The following TMEM120B variants were observed in gnomAD, a reference collection of about 807,000 sequenced individuals.
TMEM120B encodes transmembrane protein 120B.
In TMEM120B, 31 loss-of-function variants were observed where a neutral mutation model predicts 55.5. The ratio of observed to expected loss-of-function variants is 0.56; its 90% CI spans 0.42 to 0.75. TMEM120B has a LOEUF of 0.75. Among genes scored for constraint, TMEM120B ranks in the 30% least tolerant of loss-of-function variants. The probability of loss-of-function intolerance (pLI) is 0.00; values close to 1 mark genes in which losing one functional copy is unlikely to be tolerated. For missense variants in TMEM120B, 399 were observed against 425.5 expected (o/e 0.94, Z 0.55); for synonymous variants, 203 against 176.3 (o/e 1.15, Z -1.20).
chr12:121,769,153 A>T (rs1277641659), intron 6 of TMEM120B, among the ~76,000 whole-genome samples: 1 of 112,374 alleles, frequency 8.9e-6, no homozygotes, highest in Non-Finnish European at 2.0e-5. Context: ...CAAAAAAAAA[A>T]AAAAAAGGCA....
rs1874412037 is a variant in TMEM120B, at chr12:121,780,552, G to A, written c.*4830G>A. On this transcript the variant is annotated 3_prime_UTR_variant, in exon 12 of 12. Transcript: ENST00000449592. ...CTCATAGCACAGACTTTGGATTGCA[G>A]TGGATGGGACCAGATCCTGGCTCCA... The A allele has an allele frequency of 4.1e-6, 2 of 481,964 alleles. No homozygotes were observed. The highest frequency in any genetic ancestry group is 8.1e-5 in the South Asian group (2 of 24,628). 29.9% of individuals were successfully genotyped at this position (481,964 alleles called of 1,614,324 possible).
Position 121,780,865 on chromosome 12 carries a change from G to A in TMEM120B, c.*5143G>A, listed in dbSNP as rs746636849. The A allele has an allele frequency of 5.6e-6, 9 of 1,611,456 alleles. No individual in the cohort carries two copies. The Middle Eastern group carries it at 5.0e-4, about 89-fold the overall frequency. On this transcript the variant is annotated 3_prime_UTR_variant, in exon 12 of 12. Coordinates refer to ENST00000449592, the MANE Select transcript of TMEM120B (RefSeq NM_001080825.2). ...GGCTGTGCCCCAGGGTCTTGGCCCC[G>A]GCCCACCTGCATGTAGGTGATGGGC...
At chr12:121,714,557 C>CTTTTTT (rs897759057) in intron 1 of TMEM120B, among the ~76,000 whole-genome samples, 3 of 100,238 alleles carry the variant, frequency 3.0e-5, no homozygotes, top group African/African-American at 8.0e-5. Context: ...TCAGCCACTT[C>CTTTTTT]TTTTTTTTTT....
intron 5 of TMEM120B, among the ~76,000 whole-genome samples, chr12:121,757,521 T>TTA (rs34962686): frequency 3.8e-5 from 3 of 79,358 alleles, no homozygotes; most frequent in African/African-American, 6.9e-5. Flanking sequence ...ATTATTATTA[T>TTA]TTATTTTTTT....
intron 1 of TMEM120B, among the ~76,000 whole-genome samples, chr12:121,723,917 C>T (rs1308605254): frequency 1.3e-5 from 2 of 151,910 alleles, no homozygotes; most frequent in African/African-American, 4.8e-5. Flanking sequence ...CCTCCTGTCT[C>T]AGTCTCGCAA....
intron 1 of TMEM120B, among the ~76,000 whole-genome samples, chr12:121,741,892 C>A (rs1325971876): frequency 6.6e-6 from 1 of 152,052 alleles, no homozygotes; most frequent in African/African-American, 2.4e-5. Context: ...GTCACCCTTT[C>A]ATCTTCCTAG....
chr12:121,747,272 G>A (rs1592935950), intron 2 of TMEM120B, among the ~76,000 whole-genome samples: 1 of 143,590 alleles, frequency 7.0e-6, no homozygotes, highest in Admixed American at 6.9e-5. Flanking sequence ...GTGGGAGGCT[G>A]GGGTAGAAGG....
intron 5 of TMEM120B, among the ~76,000 whole-genome samples, chr12:121,756,051 G>A (rs1031458868): frequency 6.6e-6 from 1 of 152,140 alleles, no homozygotes; most frequent in African/African-American, 2.4e-5. Context: ...AATCCAGAGC[G>A]ATCATCTATG....
chr12:121,748,627 C>T (rs1415248199), intron 3 of TMEM120B, among the ~76,000 whole-genome samples, 185 bp downstream of exon 3: 1 of 152,104 alleles, frequency 6.6e-6, no homozygotes, highest in Non-Finnish European at 1.5e-5. Flanking sequence ...ACCTTAGCCA[C>T]ACCGTGTGAC....
intron 9 of TMEM120B, 149 bp from the exon 10 acceptor site, chr12:121,774,509 G>T: frequency 1.5e-6 from 1 of 675,940 alleles, no homozygotes; most frequent in Non-Finnish European, 2.5e-6. Context: ...TGCCCACCCA[G>T]CTATGACAGG....
intron 6 of TMEM120B, among the ~76,000 whole-genome samples, chr12:121,768,787 C>G (rs1466408956): frequency 6.6e-6 from 1 of 151,978 alleles, no homozygotes; most frequent in Non-Finnish European, 1.5e-5. Flanking sequence ...CTCCTTTTTT[C>G]CTAGGCTGCC....
chr12:121,758,299 C>T (rs868432545), intron 5 of TMEM120B: 117 of 985,504 alleles, frequency 1.2e-4, no homozygotes, highest in South Asian at 1.2e-3. Context: ...CTGATAATCC[C>T]CACACAGCGG....
intron 1 of TMEM120B, among the ~76,000 whole-genome samples, chr12:121,717,422 CAAG>C (rs1287051802): frequency 2.6e-5 from 4 of 152,268 alleles, no homozygotes; most frequent in South Asian, 4.1e-4. Flanking sequence ...AGGCTCGAAG[CAAG>C]AAGATCAGCA....
intron 1 of TMEM120B, among the ~76,000 whole-genome samples, chr12:121,720,636 A>G (rs1485747052): frequency 2.0e-5 from 3 of 152,052 alleles, no homozygotes; most frequent in Non-Finnish European, 2.9e-5. Context: ...GCCTGAGCCC[A>G]GGGAGGTGAA....
chr12:121,748,965 C>A (rs1873188562), intron 3 of TMEM120B, among the ~76,000 whole-genome samples: 1 of 152,230 alleles, frequency 6.6e-6, no homozygotes, highest in African/African-American at 2.4e-5. Context: ...CCGTTCCCTC[C>A]CTTAAGTGAT....
rs564881865 is a variant in TMEM120B, at chr12:121,754,516, C to T, written c.461+2293C>T. On this transcript the variant is annotated intron_variant, in intron 5 of 11. Coordinates refer to ENST00000449592, the MANE Select transcript of TMEM120B (RefSeq NM_001080825.2). ...AAAGCAGGGCGTGGCAGGGCCATGC[C>T]GCTCCACAGGCTTCGGGGAGGGAGG... 6.6e-5 allele frequency among the ~76,000 whole-genome samples: 10 copies of T among 152,258 alleles called. No homozygotes were observed. The South Asian group carries it at 8.3e-4, about 13-fold the overall frequency.
chr12:121,742,007 CTTT>C (rs1395595652), intron 1 of TMEM120B, among the ~76,000 whole-genome samples: 2 of 140,974 alleles, frequency 1.4e-5, no homozygotes, highest in East Asian at 4.1e-4. Flanking sequence ...ACTTAACTTC[CTTT>C]TTTTTTTTTT....
intron 5 of TMEM120B, chr12:121,758,052 A>T (rs2137259176): frequency 5.8e-6 from 3 of 513,446 alleles, no homozygotes; most frequent in South Asian, 8.4e-5. Context: ...CCAGGAGATT[A>T]AGGCTACAGT....
At chr12:121,761,271 G>A (rs1016528804) in intron 5 of TMEM120B, among the ~76,000 whole-genome samples, 1 of 152,126 alleles carries the variant, frequency 6.6e-6, no homozygotes, top group African/African-American at 2.4e-5. Flanking sequence ...GAGCCACCAC[G>A]CCTGGCCAAG....
Sources: gnomAD v4.1 joint callset for allele counts (sites outside exome capture counted in the v4.1 genomes callset) on GRCh38, gnomAD v4.1.1 for gene constraint, MANE v1.5 for transcripts, NCBI Gene and HGNC (gene_info 2026-07-23, HGNC 2026-07-21) for gene names.